Variants in MAF observed in about 807,000 individuals in gnomAD.
MAF encodes the protein transcription factor Maf.
A neutral mutation model predicts 22.0 loss-of-function variants in MAF; 10 were observed. The ratio of observed to expected loss-of-function variants is 0.45; its 90% CI spans 0.28 to 0.77. The LOEUF (loss-of-function observed/expected upper bound fraction) is 0.77, where lower values mean the gene tolerates loss of function less well. Among genes scored for constraint, MAF ranks in the 30% least tolerant of loss-of-function variants. The pLI is 0.12. For missense variants in MAF, 544 were observed against 548.4 expected, an observed-to-expected ratio of 0.99 and a Z score of 0.08; for synonymous variants, 337 against 255.8, an observed-to-expected ratio of 1.32 and a Z score of -3.03.
the MAF span, among the ~76,000 whole-genome samples, chr16:79,332,497 G>T: frequency 6.6e-6 from 1 of 152,060 alleles, no homozygotes; most frequent in African/African-American, 2.4e-5. Flanking sequence ...ATAGAGTTTC[G>T]CCATGTTGGC....
the MAF span, among the ~76,000 whole-genome samples, chr16:79,546,491 A>G: frequency 1.3e-5 from 2 of 152,212 alleles, no homozygotes; most frequent in African/African-American, 4.8e-5. Context: ...TGGAAAGCAG[A>G]AGCGTTCATC....
the MAF span, among the ~76,000 whole-genome samples, chr16:79,271,949 C>A: frequency 6.6e-6 from 1 of 152,348 alleles, no homozygotes; most frequent in East Asian, 1.9e-4. Context: ...GGGGCCCACA[C>A]AGGATATGGG....
At chr16:79,471,100 C>A in the MAF span, among the ~76,000 whole-genome samples, 2 of 152,168 alleles carry the variant, frequency 1.3e-5, no homozygotes, top group Non-Finnish European at 2.9e-5. Flanking sequence ...TACACATTTG[C>A]TGGACTTTCC....
the MAF span, among the ~76,000 whole-genome samples, chr16:79,226,497 G>A: frequency 6.6e-6 from 1 of 151,938 alleles, no homozygotes. Context: ...TGCATGTTCT[G>A]CACATGTACC....
the MAF span, among the ~76,000 whole-genome samples, chr16:79,475,071 G>A: frequency 2.0e-5 from 3 of 152,170 alleles, no homozygotes; most frequent in Non-Finnish European, 4.4e-5. Flanking sequence ...CAGGCATCCC[G>A]ACCAAAGCGC....
At chr16:79,360,124 C>A in the MAF span, among the ~76,000 whole-genome samples, 51 of 152,268 alleles carry the variant, frequency 3.3e-4, no homozygotes, top group African/African-American at 1.1e-3. Context: ...CATGAGAGAG[C>A]TATCATGTCT....
the MAF span, among the ~76,000 whole-genome samples, chr16:79,417,352 G>C: frequency 1.1e-4 from 16 of 152,206 alleles, no homozygotes; most frequent in African/African-American, 3.9e-4. Context: ...AAGTCAGTCT[G>C]TCTGCAACTT....
chr16:79,357,533 AC>A, the MAF span, among the ~76,000 whole-genome samples: 1 of 152,174 alleles, frequency 6.6e-6, no homozygotes, highest in Non-Finnish European at 1.5e-5. Context: ...AGATATGGGA[AC>A]CCTGCTGGGT....
chr16:79,369,971 C>T, the MAF span, among the ~76,000 whole-genome samples: 2 of 152,202 alleles, frequency 1.3e-5, no homozygotes, highest in Non-Finnish European at 2.9e-5. Flanking sequence ...TGTAGCTATT[C>T]TTTTCTTGGC....
chr16:79,308,161 A>G, the MAF span, among the ~76,000 whole-genome samples: 21 of 152,342 alleles, frequency 1.4e-4, no homozygotes, highest in Admixed American at 1.2e-3. Context: ...GGAGCTGTCT[A>G]GACAATCAAT....
chr16:79,388,443 A>G, the MAF span, among the ~76,000 whole-genome samples: 1 of 152,218 alleles, frequency 6.6e-6, no homozygotes, highest in African/African-American at 2.4e-5. Context: ...GCCACTATAT[A>G]TAGTCCATAG....
At chr16:79,473,465 G>A in the MAF span, among the ~76,000 whole-genome samples, 2 of 152,180 alleles carry the variant, frequency 1.3e-5, no homozygotes, top group African/African-American at 2.4e-5. Context: ...ACAGCAAGCG[G>A]ATGTTGCCCT....
chr16:79,523,199 G>A, the MAF span, among the ~76,000 whole-genome samples: 6 of 152,136 alleles, frequency 3.9e-5, no homozygotes, highest in East Asian at 1.9e-4. Context: ...AAAACCAAAG[G>A]GGCATCTGTT....
At chr16:79,465,760 T>C in the MAF span, among the ~76,000 whole-genome samples, 1 of 152,114 alleles carries the variant, frequency 6.6e-6, no homozygotes, top group African/African-American at 2.4e-5. Flanking sequence ...TTCAATATCC[T>C]CTCCAGCAAA....
the MAF span, among the ~76,000 whole-genome samples, chr16:79,518,835 G>C: frequency 6.6e-6 from 1 of 152,190 alleles, no homozygotes; most frequent in Non-Finnish European, 1.5e-5. Flanking sequence ...TGAGGCAGGA[G>C]AATTGCTTGA....
the MAF span, among the ~76,000 whole-genome samples, chr16:79,376,507 C>G: frequency 6.6e-6 from 1 of 151,918 alleles, no homozygotes. Context: ...GTTGAGAATA[C>G]ATTATTTTAT....
chr16:79,436,581 C>G, the MAF span, among the ~76,000 whole-genome samples: 1 of 152,182 alleles, frequency 6.6e-6, no homozygotes, highest in Non-Finnish European at 1.5e-5. Flanking sequence ...GGTTATTTAT[C>G]ATTTTGTTCA....
the MAF span, among the ~76,000 whole-genome samples, chr16:79,437,824 T>C: frequency 1.2e-4 from 18 of 152,294 alleles, no homozygotes; most frequent in East Asian, 3.1e-3. Flanking sequence ...CAACAGAAAC[T>C]TCTGCCTTGG....
chr16:79,563,608 T>C, the MAF span, among the ~76,000 whole-genome samples: 5 of 152,208 alleles, frequency 3.3e-5, no homozygotes, highest in African/African-American at 4.8e-5. Flanking sequence ...TAAAATAATA[T>C]TAAAAATCAT....
Sources: allele counts gnomAD v4.1 joint callset (sites outside exome capture counted in the v4.1 genomes callset), GRCh38; gene constraint gnomAD v4.1.1; transcripts MANE v1.5; gene names NCBI Gene and HGNC (gene_info 2026-07-23, HGNC 2026-07-21).